Variants in NXPH1 observed in about 807,000 individuals in gnomAD.
NXPH1 encodes neurexophilin 1, also known as neurexophilin-1.
In NXPH1, 5 loss-of-function variants were observed where a neutral mutation model predicts 23.7. The ratio of observed to expected loss-of-function variants is 0.21; its 90% CI spans 0.11 to 0.44. The LOEUF is 0.44. Ranked by LOEUF, NXPH1 falls within the 20% of genes least tolerant of loss-of-function variation. NXPH1 has a pLI of 0.99. For missense variants in NXPH1, 324 were observed against 321.6 expected, an observed-to-expected ratio of 1.01 and a Z score of -0.06; for synonymous variants, 144 against 122.2, an observed-to-expected ratio of 1.18 and a Z score of -1.18.
In NXPH1 at chr7:8,435,863, A is replaced by C. The variant is rs551525631; in HGVS notation, c.54+96A>C. On this transcript the variant is annotated intron_variant, in intron 2 of 2. Coordinates refer to ENST00000405863, the MANE Select transcript of NXPH1 (RefSeq NM_152745.3). This position sits in a 1 kb window ranked among gnomAD's most constrained non-coding sequence, Gnocchi z 5.9. ...GGGAGAAGGGTTACGCCGCCAGTTCAGTGAGAGCAGCTTCCTAGCAGCTGT... is the reference window on the plus strand; with the variant it reads ...GGGAGAAGGGTTACGCCGCCAGTTCCGTGAGAGCAGCTTCCTAGCAGCTGT... The C allele has an allele frequency of 2.0e-4, 225 of 1,125,824 alleles. 1 individual carries two copies. In the African/African-American group the frequency reaches 2.6e-3, roughly 13 times the overall value. The allele number at this position is 1,125,824 out of a possible 1,614,324, so 69.7% of individuals were successfully genotyped here.
At chr7:8,696,858 G>T (rs1191905089) in intron 2 of NXPH1, among the ~76,000 whole-genome samples, 1 of 64,972 alleles carries the variant, frequency 1.5e-5, no homozygotes. Flanking sequence ...AAAAAAAAAA[G>T]TGAGGCCGGG....
At chr7:8,481,470 C>A (rs545804884) in intron 2 of NXPH1, among the ~76,000 whole-genome samples, 3 of 152,174 alleles carry the variant, frequency 2.0e-5, no homozygotes, top group Admixed American at 2.0e-4. Context: ...AAAATAAATA[C>A]TATGAAATAA....
At chr7:8,528,751 T>C (rs1052505664) in intron 2 of NXPH1, among the ~76,000 whole-genome samples, 1 of 152,214 alleles carries the variant, frequency 6.6e-6, no homozygotes, top group African/African-American at 2.4e-5. Context: ...AGTTGAGACA[T>C]CTGTTTTTCT....
chr7:8,547,034 C>G (rs547742169), intron 2 of NXPH1, among the ~76,000 whole-genome samples: 17 of 151,482 alleles, frequency 1.1e-4, no homozygotes, highest in African/African-American at 3.9e-4. Context: ...TCTTGAACAT[C>G]CTCCTAAACT....
intron 2 of NXPH1, among the ~76,000 whole-genome samples, chr7:8,436,821 G>T (rs540626968): frequency 6.6e-6 from 1 of 152,232 alleles, no homozygotes; most frequent in African/African-American, 2.4e-5. Flanking sequence ...TGATACTGGC[G>T]CTCCTCAATC....
At position 8,542,524 on chromosome 7, in the gene NXPH1, T is replaced by G. The variant is rs1165282117; in HGVS notation, c.54+106757T>G. Among the ~76,000 whole-genome samples the G allele has an allele frequency of 2.0e-5, 3 of 151,652 alleles. No homozygotes were observed. The South Asian group carries it at 6.2e-4, about 31-fold the overall frequency. ...TATGCAACAAGAGCAGAATATACAGTGTTTTCAAATCTACATAGTGTGTTA... is the reference window on the plus strand; with the variant it reads ...TATGCAACAAGAGCAGAATATACAGGGTTTTCAAATCTACATAGTGTGTTA... On this transcript the variant is annotated intron_variant, in intron 2 of 2. Transcript: ENST00000405863.
intron 2 of NXPH1, among the ~76,000 whole-genome samples, chr7:8,631,927 A>C (rs1820138080): frequency 6.6e-6 from 1 of 152,276 alleles, no homozygotes; most frequent in South Asian, 2.1e-4. Context: ...GATGAGTATT[A>C]CATTTTTGTA....
In NXPH1 at chr7:8,726,190, C is replaced by T. The variant is rs555790908; in HGVS notation, c.55-24818C>T. 4.4e-4 allele frequency among the ~76,000 whole-genome samples: 66 copies of T among 151,426 alleles called. No individual in the cohort carries two copies. In the South Asian group the frequency reaches 0.012, roughly 28 times the overall value. On this transcript the variant is annotated intron_variant, in intron 2 of 2. Coordinates refer to ENST00000405863, the MANE Select transcript of NXPH1 (RefSeq NM_152745.3). ...ACATCTGTATGTATATTATTAATACCAGTGGCTAATAGGTACAAATGTCTT... is the reference window on the plus strand; with the variant it reads ...ACATCTGTATGTATATTATTAATACTAGTGGCTAATAGGTACAAATGTCTT...
intron 2 of NXPH1, among the ~76,000 whole-genome samples, chr7:8,454,851 C>T (rs1816566752): frequency 1.3e-5 from 2 of 152,120 alleles, no homozygotes; most frequent in African/African-American, 2.4e-5. Context: ...GGGCTTACTA[C>T]ATTAGACAGT....
At position 8,653,625 on chromosome 7, in the gene NXPH1, A is replaced by G. The variant is rs1364332717; in HGVS notation, c.55-97383A>G. ...CAGGATTTTCAAAGAAGGATAGTCT[A>G]TACCAACAAGCTATTCTATATACAT... On this transcript the variant is annotated intron_variant, in intron 2 of 2. Transcript: ENST00000405863. Among the ~76,000 whole-genome samples, 4 of 152,242 alleles carry G rather than the reference A, an allele frequency of 2.6e-5. 1 individual carries two copies. Among genetic ancestry groups the G allele is most frequent in the Admixed American group, 2.0e-4 (3 of 15,276 alleles).
intron 2 of NXPH1, among the ~76,000 whole-genome samples, chr7:8,491,650 AG>A (rs1817250075): frequency 6.6e-6 from 1 of 152,044 alleles, no homozygotes; most frequent in Non-Finnish European, 1.5e-5. Context: ...GCTATCGTTT[AG>A]GCTGGCTTCC....
chr7:8,519,536 C>A (rs1401185596), intron 2 of NXPH1, among the ~76,000 whole-genome samples: 1 of 152,150 alleles, frequency 6.6e-6, no homozygotes, highest in African/African-American at 2.4e-5. Flanking sequence ...CTAGGTTATA[C>A]AAGGAAAGAG....
chr7:8,481,510 C>A (rs531574827), intron 2 of NXPH1, among the ~76,000 whole-genome samples: 1 of 152,124 alleles, frequency 6.6e-6, no homozygotes, highest in South Asian at 2.1e-4. Context: ...AAATAGTGAG[C>A]CTGTTTTCAT....
At chr7:8,485,114 C>G (rs543865778) in intron 2 of NXPH1, among the ~76,000 whole-genome samples, 123 of 152,066 alleles carry the variant, frequency 8.1e-4, no homozygotes, top group Non-Finnish European at 1.5e-3. Flanking sequence ...TGGGAGGGAC[C>G]CGGTGCAAGG....
chr7:8,503,176 A>T (rs1163105018), intron 2 of NXPH1, among the ~76,000 whole-genome samples: 2 of 152,094 alleles, frequency 1.3e-5, no homozygotes, highest in Non-Finnish European at 2.9e-5. Flanking sequence ...AAATCAAAAC[A>T]TTGATAACTG....
chr7:8,436,703 C>A (rs7792453), intron 2 of NXPH1, among the ~76,000 whole-genome samples: 240 of 152,292 alleles, frequency 1.6e-3, no homozygotes, highest in African/African-American at 5.4e-3. Flanking sequence ...ACCCCCATAG[C>A]CCATCCTGGG....
At chr7:8,724,170 G>A (rs1026360372) in intron 2 of NXPH1, among the ~76,000 whole-genome samples, 1 of 152,108 alleles carries the variant, frequency 6.6e-6, no homozygotes, top group Non-Finnish European at 1.5e-5. Context: ...CCCACAGAGT[G>A]CCTCAGCCAG....
chr7:8,687,339 G>C (rs1583230772), intron 2 of NXPH1, among the ~76,000 whole-genome samples: 1 of 152,218 alleles, frequency 6.6e-6, no homozygotes, highest in Non-Finnish European at 1.5e-5. Flanking sequence ...ATGAGACACA[G>C]AGAATCCAAA....
In NXPH1 at chr7:8,442,402, C is replaced by G. The variant is rs927766483; in HGVS notation, c.54+6635C>G. On this transcript the variant is annotated intron_variant, in intron 2 of 2. Coordinates refer to ENST00000405863, the MANE Select transcript of NXPH1 (RefSeq NM_152745.3). This position sits in a 1 kb window ranked among gnomAD's most constrained non-coding sequence, Gnocchi z 4.6. ...TCTGGCCGCGCCTCGCCATCACCCC[C>G]GCCGCCCTAATGGATTCTGAAGCGA... is the stretch of plus-strand genomic sequence containing the variant. 2.6e-5 allele frequency among the ~76,000 whole-genome samples: 4 copies of G among 152,216 alleles called. No individual in the cohort carries two copies. Among genetic ancestry groups the G allele is most frequent in the African/African-American group, 9.7e-5 (4 of 41,446 alleles).
Sources: allele counts gnomAD v4.1 joint callset (sites outside exome capture counted in the v4.1 genomes callset), GRCh38; gene constraint gnomAD v4.1.1; non-coding constraint Gnocchi (gnomAD v3.1); transcripts MANE v1.5; gene names NCBI Gene and HGNC (gene_info 2026-07-23, HGNC 2026-07-21).